CDH18: variants seen among roughly 807,000 people sequenced by gnomAD.
The protein encoded by CDH18 is cadherin-18.
In CDH18, 31 loss-of-function variants were observed where a neutral mutation model predicts 67.9. The observed-to-expected ratio is 0.46, with a 90% confidence interval of 0.34 to 0.62. The LOEUF (loss-of-function observed/expected upper bound fraction) is 0.62, where lower values mean the gene tolerates loss of function less well. Ranked by LOEUF, CDH18 falls within the 20% of genes least tolerant of loss-of-function variation. CDH18 has a pLI of 0.01. For missense variants in CDH18, 890 were observed against 975.5 expected, an observed-to-expected ratio of 0.91 and a Z score of 1.17; for synonymous variants, 362 against 347.2, an observed-to-expected ratio of 1.04 and a Z score of -0.48.
chr5:19,876,281 C>T (rs1425751425), intron 2 of CDH18, among the ~76,000 whole-genome samples: 4 of 152,038 alleles, frequency 2.6e-5, no homozygotes, highest in Non-Finnish European at 4.4e-5. Context: ...ACCTTTGCAT[C>T]CTGAGGCTTG....
At chr5:20,119,099 T>C (rs1343252460) in intron 2 of CDH18, among the ~76,000 whole-genome samples, 1 of 152,180 alleles carries the variant, frequency 6.6e-6, no homozygotes, top group Non-Finnish European at 1.5e-5. Flanking sequence ...TCAATGCATG[T>C]GACTTCCCAC....
intron 2 of CDH18, among the ~76,000 whole-genome samples, chr5:20,108,675 G>A (rs1747199736): frequency 6.6e-6 from 1 of 152,022 alleles, no homozygotes; most frequent in South Asian, 2.1e-4. Flanking sequence ...GTACTTCCCA[G>A]GGACATTTTC....
Position 19,988,127 on chromosome 5 carries a change from A to T in CDH18, c.-417T>A, listed in dbSNP as rs1436425639. On this transcript the variant is annotated 5_prime_UTR_variant, in exon 1 of 13. Transcript: ENST00000382275. ...TAACTGGTGGAAAGGAACTTAATTT[A>T]TAAGAAGCAAAGAGAGGGGACTTTC... 1 of 152,184 alleles carries T rather than the reference A, an allele frequency of 6.6e-6. No homozygotes were observed. The highest frequency in any genetic ancestry group is 2.4e-5 in the African/African-American group (1 of 41,436). The allele number at this position is 152,184 out of a possible 1,614,324, so 9.4% of individuals were successfully genotyped here.
intron 2 of CDH18, among the ~76,000 whole-genome samples, chr5:20,016,303 A>T (rs1439323452): frequency 6.6e-6 from 1 of 152,016 alleles, no homozygotes; most frequent in Non-Finnish European, 1.5e-5. Flanking sequence ...AGACACTGAG[A>T]CCTTACTTGA....
At chr5:19,502,810 G>A (rs1743473795) in intron 11 of CDH18, 182 bp downstream of exon 11, 2 of 589,688 alleles carry the variant, frequency 3.4e-6, no homozygotes, top group East Asian at 5.8e-5. Flanking sequence ...TTCAATGAAA[G>A]TTATTTGTAC....
intron 3 of CDH18, among the ~76,000 whole-genome samples, chr5:19,759,094 A>C (rs1324542987): frequency 6.6e-6 from 1 of 152,238 alleles, no homozygotes; most frequent in Non-Finnish European, 1.5e-5. Context: ...TTGCCAAGTC[A>C]ATGGTTGCAT....
intron 2 of CDH18, among the ~76,000 whole-genome samples, chr5:20,020,367 G>A (rs753149668): frequency 2.0e-5 from 3 of 152,230 alleles, no homozygotes; most frequent in South Asian, 2.1e-4. Flanking sequence ...GGAGCTGAAC[G>A]TTAATAGCTA....
At chr5:19,984,590 T>C (rs1799381890) in intron 1 of CDH18, among the ~76,000 whole-genome samples, 1 of 152,216 alleles carries the variant, frequency 6.6e-6, no homozygotes, top group Non-Finnish European at 1.5e-5. Flanking sequence ...TAATCCATTT[T>C]AATCAGACAA....
chr5:20,510,704 A>G (rs1754979314), intron 1 of CDH18, among the ~76,000 whole-genome samples: 1 of 152,118 alleles, frequency 6.6e-6, no homozygotes, highest in South Asian at 2.1e-4. Context: ...TCACCATTAT[A>G]TTTCTTTTCC....
intron 2 of CDH18, among the ~76,000 whole-genome samples, chr5:20,044,193 A>G (rs1740702949): frequency 6.6e-6 from 1 of 152,056 alleles, no homozygotes; most frequent in African/African-American, 2.4e-5. Flanking sequence ...AACAGAGCAA[A>G]CATTAAGTGC....
intron 4 of CDH18, among the ~76,000 whole-genome samples, chr5:19,740,352 T>C (rs1768937756): frequency 6.6e-6 from 1 of 152,062 alleles, no homozygotes; most frequent in Non-Finnish European, 1.5e-5. Context: ...TTATATGATC[T>C]TTTTGAAACA....
At chr5:19,949,100 T>G (rs34850668) in intron 2 of CDH18, among the ~76,000 whole-genome samples, 9,442 of 152,226 alleles carry the variant, frequency 0.062, 371 homozygotes, top group Middle Eastern at 0.12. Context: ...AAATATTTCA[T>G]TAGCCATAGC....
intron 1 of CDH18, among the ~76,000 whole-genome samples, chr5:20,512,082 G>A (rs912955928): frequency 6.6e-6 from 1 of 151,932 alleles, no homozygotes; most frequent in Non-Finnish European, 1.5e-5. Flanking sequence ...AATTAGTTGG[G>A]TGTGCTGGCA....
At chr5:20,145,694 A>C (rs1427711206) in intron 2 of CDH18, among the ~76,000 whole-genome samples, 1 of 152,174 alleles carries the variant, frequency 6.6e-6, no homozygotes, top group African/African-American at 2.4e-5. Context: ...ATTTACTAAC[A>C]TTCTACTAAC....
chr5:20,234,230 A>T (rs1243199908), intron 2 of CDH18, among the ~76,000 whole-genome samples: 1 of 152,100 alleles, frequency 6.6e-6, no homozygotes, highest in Non-Finnish European at 1.5e-5. Context: ...CAACCCATAG[A>T]TACCTGGGCT....
At chr5:20,440,212 T>A (rs1749508351) in intron 1 of CDH18, among the ~76,000 whole-genome samples, 1 of 151,806 alleles carries the variant, frequency 6.6e-6, no homozygotes, top group Non-Finnish European at 1.5e-5. Context: ...AGGAGAAGAA[T>A]GATAAGACTG....
chr5:19,985,333 T>G (rs1799449965), intron 1 of CDH18, among the ~76,000 whole-genome samples: 1 of 152,124 alleles, frequency 6.6e-6, no homozygotes, highest in African/African-American at 2.4e-5. Context: ...ATGAACTTTT[T>G]TCTATATACA....
chr5:19,827,679 G>C (rs1388148436), intron 3 of CDH18, among the ~76,000 whole-genome samples: 1 of 152,074 alleles, frequency 6.6e-6, no homozygotes. Flanking sequence ...TCAAGAAATT[G>C]TTTGATATTC....
chr5:19,725,463 T>G (rs528305106), intron 4 of CDH18, among the ~76,000 whole-genome samples: 13 of 152,238 alleles, frequency 8.5e-5, no homozygotes, highest in Middle Eastern at 3.4e-3. Context: ...GATATAAAAT[T>G]ATTTCAATTA....
Sources: allele counts gnomAD v4.1 joint callset (sites outside exome capture counted in the v4.1 genomes callset), GRCh38; gene constraint gnomAD v4.1.1; transcripts MANE v1.5; gene names NCBI Gene and HGNC (gene_info 2026-07-23, HGNC 2026-07-21).